DENND2C: variants seen among roughly 807,000 people sequenced by gnomAD.
DENND2C encodes DENN domain-containing protein 2C.
Under a neutral mutation model 112.4 loss-of-function variants are expected in DENND2C, and 72 were observed. The observed-to-expected ratio is 0.64, with a 90% CI of 0.53 to 0.78. The LOEUF (loss-of-function observed/expected upper bound fraction) is 0.78, where lower values mean the gene tolerates loss of function less well. DENND2C is among the 30% of genes least tolerant of loss of function. The probability of loss-of-function intolerance (pLI) is 0.00; values close to 1 mark genes in which losing one functional copy is unlikely to be tolerated. For missense variants in DENND2C, 992 were observed against 1,113.8 expected (o/e 0.89, Z 1.56); for synonymous variants, 329 against 381.6 (o/e 0.86, Z 1.61).
intron 3 of DENND2C, among the ~76,000 whole-genome samples, chr1:114,634,935 C>T (rs1268594184): frequency 2.0e-5 from 3 of 147,908 alleles, no homozygotes; most frequent in African/African-American, 7.5e-5. Flanking sequence ...GGCTGAGGCA[C>T]GAGAATCGCT....
chr1:114,654,826 A>G (rs557738304), intron 1 of DENND2C, 65 bp from the exon 2 acceptor site: 1 of 151,836 alleles, frequency 6.6e-6, no homozygotes, highest in East Asian at 1.9e-4. Flanking sequence ...CCAGGTGCCT[A>G]TATTTCTGCT....
At position 114,584,806 on chromosome 1, in the gene DENND2C, AT is replaced by A. The variant is rs1308900943; in HGVS notation, c.*793del. ...GTTTTTGTAGAGATGGGATCTTGCT[AT>A]GTTGCCCAGGCTAGTCTCAAACTCC... is the stretch of plus-strand genomic sequence containing the variant. On this transcript the variant is annotated 3_prime_UTR_variant, in exon 21 of 21. Coordinates refer to ENST00000393274, the MANE Select transcript of DENND2C (RefSeq NM_001256404.2). 3.3e-5 allele frequency: 5 copies of A among 152,034 alleles called. No individual in the cohort carries two copies. Among genetic ancestry groups the A allele is most frequent in the African/African-American group, 1.2e-4 (5 of 41,402 alleles). The allele number at this position is 152,034 out of a possible 1,614,324, so 9.4% of individuals were successfully genotyped here.
At chr1:114,656,221 ACCATG>A (rs1216870506) in intron 1 of DENND2C, among the ~76,000 whole-genome samples, 1 of 151,694 alleles carries the variant, frequency 6.6e-6, no homozygotes, top group African/African-American at 2.4e-5. Context: ...GGTGTGTGCC[ACCATG>A]CCTGGCTAAT....
At chr1:114,665,830 CCTCTT>C (rs1164694906) in intron 1 of DENND2C, among the ~76,000 whole-genome samples, 4 of 151,852 alleles carry the variant, frequency 2.6e-5, no homozygotes, top group Non-Finnish European at 5.9e-5. Flanking sequence ...TATTCTTGGC[CCTCTT>C]CTCTTCTAAT....
chr1:114,600,136 G>T, intron 15 of DENND2C, 68 bp downstream of exon 15: 5 of 1,524,262 alleles, frequency 3.3e-6, no homozygotes, highest in Non-Finnish European at 4.4e-6. Flanking sequence ...AAAAAAAAAT[G>T]CCCCAATTTT....
chr1:114,651,967 G>C (rs1171111001), intron 2 of DENND2C, among the ~76,000 whole-genome samples: 1 of 152,146 alleles, frequency 6.6e-6, no homozygotes, highest in East Asian at 1.9e-4. Context: ...TAGAGCTTCA[G>C]CAGAATGAGG....
intron 1 of DENND2C, among the ~76,000 whole-genome samples, chr1:114,659,893 C>T (rs114213146): frequency 0.027 from 4,066 of 150,520 alleles, 194 homozygotes; most frequent in African/African-American, 0.093. Flanking sequence ...TGGGCTTACG[C>T]GATCCTTCTA....
intron 3 of DENND2C, among the ~76,000 whole-genome samples, chr1:114,643,891 CTT>C (rs1458979604): frequency 6.6e-6 from 1 of 152,140 alleles, no homozygotes; most frequent in Non-Finnish European, 1.5e-5. Flanking sequence ...AAGCCAAAGA[CTT>C]AGAATAATGC....
At chr1:114,665,246 G>A (rs1381576042) in intron 1 of DENND2C, among the ~76,000 whole-genome samples, 1 of 149,550 alleles carries the variant, frequency 6.7e-6, no homozygotes, top group Non-Finnish European at 1.5e-5. Flanking sequence ...TCCAGCCAGG[G>A]TAGCAGAGCA....
intron 15 of DENND2C, 24 bp downstream of exon 15, chr1:114,600,180 T>G: frequency 2.5e-6 from 4 of 1,601,656 alleles, no homozygotes; most frequent in Non-Finnish European, 3.4e-6. Flanking sequence ...CAGTGTGAAG[T>G]AACATATTTC....
intron 8 of DENND2C, among the ~76,000 whole-genome samples, chr1:114,613,844 C>G (rs1014380667): frequency 6.6e-6 from 1 of 152,094 alleles, no homozygotes; most frequent in Non-Finnish European, 1.5e-5. Context: ...ACCAGATTGT[C>G]CTCTTTTAAT....
At chr1:114,591,202 A>G (rs1323458303) in intron 18 of DENND2C, among the ~76,000 whole-genome samples, 1 of 152,136 alleles carries the variant, frequency 6.6e-6, no homozygotes. Context: ...TCCTGGGCTC[A>G]AGTGATTCTC....
intron 3 of DENND2C, among the ~76,000 whole-genome samples, chr1:114,635,951 A>G (rs148126602): frequency 2.5e-3 from 374 of 152,100 alleles, no homozygotes; most frequent in African/African-American, 8.6e-3. Flanking sequence ...GGTTGCATTG[A>G]GCCAAGATCA....
chr1:114,650,297 T>C (rs1472426405), intron 2 of DENND2C, among the ~76,000 whole-genome samples: 2 of 151,086 alleles, frequency 1.3e-5, no homozygotes, highest in Non-Finnish European at 2.9e-5. Flanking sequence ...CACGCCAACC[T>C]GGGCAATAAG....
At chr1:114,608,647 G>A (rs1655724991) in intron 10 of DENND2C, 39 bp downstream of exon 10, 5 of 1,595,972 alleles carry the variant, frequency 3.1e-6, no homozygotes, top group Middle Eastern at 1.7e-4. Context: ...CAGAGACACA[G>A]GAACATTCCT....
intron 6 of DENND2C, 71 bp downstream of exon 6, chr1:114,622,916 T>C: frequency 8.5e-7 from 1 of 1,171,722 alleles, no homozygotes; most frequent in East Asian, 2.5e-5. Flanking sequence ...CCCAGTTAAA[T>C]CCCCTTAATC....
chr1:114,665,436 C>G (rs146706890), intron 1 of DENND2C, among the ~76,000 whole-genome samples: 1 of 152,192 alleles, frequency 6.6e-6, no homozygotes, highest in South Asian at 2.1e-4. Flanking sequence ...GCAATACAGA[C>G]AGTCCCTGAC....
intron 1 of DENND2C, among the ~76,000 whole-genome samples, chr1:114,666,061 A>G (rs1208374281): frequency 6.6e-6 from 1 of 152,072 alleles, no homozygotes; most frequent in East Asian, 1.9e-4. Context: ...ATAAAACAAG[A>G]CCCTTCATCC....
At chr1:114,633,075 T>A (rs1656539683) in intron 3 of DENND2C, among the ~76,000 whole-genome samples, 1 of 152,176 alleles carries the variant, frequency 6.6e-6, no homozygotes, top group Non-Finnish European at 1.5e-5. Context: ...GAAATAAATG[T>A]AAGACAAGGC....
Sources: gnomAD v4.1 joint callset for allele counts (sites outside exome capture counted in the v4.1 genomes callset) on GRCh38, gnomAD v4.1.1 for gene constraint, MANE v1.5 for transcripts, NCBI Gene and HGNC (gene_info 2026-07-23, HGNC 2026-07-21) for gene names.